ITGA1: variants seen among roughly 807,000 people sequenced by gnomAD.
The protein encoded by ITGA1 is integrin subunit alpha 1.
In ITGA1, 85 loss-of-function variants were observed where a neutral mutation model predicts 145.9. The observed-to-expected ratio is 0.58, with a 90% CI of 0.49 to 0.70. The LOEUF is 0.70. ITGA1 is among the 30% of genes least tolerant of loss of function. The pLI is 0.00. For missense variants in ITGA1, 1,351 were observed against 1,418.7 expected, an observed-to-expected ratio of 0.95 and a Z score of 0.77; for synonymous variants, 520 against 495.3, an observed-to-expected ratio of 1.05 and a Z score of -0.66.
intron 1 of ITGA1, among the ~76,000 whole-genome samples, chr5:52,798,722 A>G (rs1748394977): frequency 6.6e-6 from 1 of 152,178 alleles, no homozygotes; most frequent in Non-Finnish European, 1.5e-5. Flanking sequence ...ACAATCAGAT[A>G]TGCATTTGTG....
chr5:52,939,950 T>C lies in ITGA1; in HGVS notation c.3285+6T>C, dbSNP rs753173150. ...GGAAACCAACTTTTATAAAAGTAAG[T>C]AAATACATAGTTCTATGCACTTATT... On this transcript the variant is annotated splice_donor_region_variant and intron_variant, in intron 26 of 28. Transcript: ENST00000282588. The C allele has an allele frequency of 5.6e-6, 8 of 1,432,882 alleles. No individual in the cohort carries two copies. The highest frequency in any genetic ancestry group is 7.9e-6 in the Non-Finnish European group (8 of 1,015,352). The allele number at this position is 1,432,882 out of a possible 1,614,324, so 88.8% of individuals were successfully genotyped here.
At chr5:52,811,037 T>A (rs1748676778) in intron 1 of ITGA1, among the ~76,000 whole-genome samples, 1 of 152,238 alleles carries the variant, frequency 6.6e-6, no homozygotes, top group Non-Finnish European at 1.5e-5. Flanking sequence ...CACATCTGTA[T>A]GAAATTTAGG....
At chr5:52,842,985 C>T (rs1018987794) in intron 1 of ITGA1, among the ~76,000 whole-genome samples, 3 of 152,104 alleles carry the variant, frequency 2.0e-5, no homozygotes, top group Admixed American at 6.6e-5. Flanking sequence ...AGCCACCGTG[C>T]CTGGCTTAGC....
Position 52,937,470 on chromosome 5 carries a change from A to T in ITGA1, c.3034A>T (p.Asn1012Tyr). ...AATTTCATTCCCCAATATGACATCA[A>T]ATGGTTACCCTGTGCTGTACCCAAC... is the stretch of plus-strand genomic sequence containing the variant. ...LSISFPNMTS[N>Y]GYPVLYPTGL... The change falls in exon 24 of 29, where the codon AAT (asparagine) becomes TAT (tyrosine). Residue 1012 changes from asparagine to tyrosine, a missense_variant. Coordinates refer to ENST00000282588, the MANE Select transcript of ITGA1 (RefSeq NM_181501.2). 1 of 1,613,580 alleles carries T rather than the reference A, an allele frequency of 6.2e-7. No individual in the cohort carries two copies. The highest frequency in any genetic ancestry group is 8.5e-7 in the Non-Finnish European group (1 of 1,179,530).
chr5:52,838,655 A>T (rs1749201835), intron 1 of ITGA1, among the ~76,000 whole-genome samples: 1 of 152,220 alleles, frequency 6.6e-6, no homozygotes, highest in African/African-American at 2.4e-5. Context: ...GCAAAATAAA[A>T]CATAGGTAGG....
intron 1 of ITGA1, among the ~76,000 whole-genome samples, chr5:52,811,799 C>G (rs1233653838): frequency 6.6e-6 from 1 of 152,192 alleles, no homozygotes; most frequent in Non-Finnish European, 1.5e-5. Context: ...TTTGCTCACT[C>G]TCCCAAAGAA....
At position 52,953,980 on chromosome 5, in the gene ITGA1, A is replaced by G. The variant is rs1021335815; in HGVS notation, c.*1529A>G. 1.3e-5 allele frequency: 2 copies of G among 152,200 alleles called. No homozygotes were observed. Among genetic ancestry groups the G allele is most frequent in the Admixed American group, 1.3e-4 (2 of 15,276 alleles). 9.4% of individuals were successfully genotyped at this position (152,200 alleles called of 1,614,324 possible). A position where few individuals can be genotyped will look rare whatever the true frequency, so the allele number is the denominator to read the frequency against. ...TTTTAAACTAATTTCCAAAGAATTT[A>G]GCTGAAGACTCAGAGTCAGCCTACC... On this transcript the variant is annotated 3_prime_UTR_variant, in exon 29 of 29. Transcript: ENST00000282588.
chr5:52,801,640 C>T (rs760980313), intron 1 of ITGA1: 1 of 1,614,096 alleles, frequency 6.2e-7, no homozygotes, highest in South Asian at 1.1e-5. Context: ...GCTCTTCAGG[C>T]ATCAGGATGT....
intron 23 of ITGA1, among the ~76,000 whole-genome samples, 169 bp downstream of exon 23, chr5:52,934,165 A>G (rs2111891930): frequency 6.6e-6 from 1 of 150,520 alleles, no homozygotes; most frequent in African/African-American, 2.4e-5. Context: ...ATATATAAAT[A>G]TAATTTTCAA....
intron 15 of ITGA1, among the ~76,000 whole-genome samples, chr5:52,917,403 A>G (rs1031384330): frequency 2.0e-5 from 3 of 152,208 alleles, no homozygotes; most frequent in African/African-American, 7.2e-5. Flanking sequence ...TAGAAGTACA[A>G]TTAAAGGTGT....
intron 2 of ITGA1, among the ~76,000 whole-genome samples, chr5:52,851,491 T>A (rs191782362): frequency 6.6e-6 from 1 of 152,168 alleles, no homozygotes; most frequent in Non-Finnish European, 1.5e-5. Flanking sequence ...GAAGCCTTGA[T>A]GTCATGAGGA....
chr5:52,869,404 G>A (rs764452365), intron 6 of ITGA1, among the ~76,000 whole-genome samples: 4 of 152,118 alleles, frequency 2.6e-5, no homozygotes, highest in African/African-American at 7.2e-5. Context: ...CAGATGATCC[G>A]CCTGCCTCGG....
chr5:52,798,634 C>A (rs1258106443), intron 1 of ITGA1, among the ~76,000 whole-genome samples: 1 of 152,102 alleles, frequency 6.6e-6, no homozygotes, highest in East Asian at 1.9e-4. Flanking sequence ...GGAAAATAGT[C>A]ATTCATGCCT....
chr5:52,888,266 A>G lies in ITGA1; in HGVS notation c.924+301A>G, dbSNP rs186569882. Among the ~76,000 whole-genome samples the G allele has an allele frequency of 6.6e-5, 10 of 152,174 alleles. No individual in the cohort carries two copies. In the East Asian group the frequency reaches 1.7e-3, roughly 26 times the overall value. On this transcript the variant is annotated intron_variant, in intron 8 of 28. Coordinates refer to ENST00000282588, the MANE Select transcript of ITGA1 (RefSeq NM_181501.2). ...AAAACATAAGAAGGAAGGAAGGGTG[A>G]GAAAAAGAGGACTGAAAAAAAGAAG... is the stretch of plus-strand genomic sequence containing the variant.
chr5:52,827,578 G>T (rs990567170), intron 1 of ITGA1, among the ~76,000 whole-genome samples: 2 of 152,158 alleles, frequency 1.3e-5, no homozygotes, highest in Non-Finnish European at 2.9e-5. Flanking sequence ...GGGTAAAATT[G>T]CATGCTACAG....
intron 1 of ITGA1, chr5:52,801,866 T>C: frequency 6.6e-7 from 1 of 1,513,908 alleles, no homozygotes; most frequent in Non-Finnish European, 8.9e-7. Context: ...ATTGAGACAA[T>C]CTTGTGTTTC....
intron 1 of ITGA1, chr5:52,802,617 A>C (rs894174066): frequency 6.6e-6 from 1 of 152,184 alleles, no homozygotes; most frequent in African/African-American, 2.4e-5. Flanking sequence ...TATGTGGCTA[A>C]TTAGTGGCAA....
chr5:52,947,908 C>T (rs924439484), intron 28 of ITGA1, among the ~76,000 whole-genome samples: 6 of 152,050 alleles, frequency 3.9e-5, no homozygotes, highest in Admixed American at 1.3e-4. Flanking sequence ...ATCACATCTC[C>T]ATGTGTCTTA....
At chr5:52,890,141 C>T (rs2111818690) in intron 8 of ITGA1, among the ~76,000 whole-genome samples, 1 of 152,276 alleles carries the variant, frequency 6.6e-6, no homozygotes, top group African/African-American at 2.4e-5. Flanking sequence ...TTGGTAACTA[C>T]ATCTGAGCAC....
Sources: gnomAD v4.1 joint callset for allele counts (sites outside exome capture counted in the v4.1 genomes callset) on GRCh38, gnomAD v4.1.1 for gene constraint, MANE v1.5 for transcripts, NCBI Gene and HGNC (gene_info 2026-07-23, HGNC 2026-07-21) for gene names.